CFAP20DC: variants seen among roughly 807,000 people sequenced by gnomAD.
CFAP20DC encodes the protein CFAP20 domain containing, also known as protein CFAP20DC.
Under a neutral mutation model 101.7 loss-of-function variants are expected in CFAP20DC, and 84 were observed. The ratio of observed to expected loss-of-function variants is 0.83; its 90% CI spans 0.69 to 0.99. CFAP20DC has a LOEUF of 0.99. Ranked by LOEUF, CFAP20DC falls within the 50% of genes least tolerant of loss-of-function variation. The pLI is 0.00. For synonymous variants in CFAP20DC, 359 were observed against 351.2 expected (o/e 1.02, Z -0.25); for missense variants, 1,007 against 970.3 (o/e 1.04, Z -0.50).
chr3:58,734,403 A>T (rs991319298), intron 3 of CFAP20DC: 4 of 368,018 alleles, frequency 1.1e-5, no homozygotes, highest in African/African-American at 8.5e-5. Context: ...TCCAAACCTG[A>T]AAGTCCTCGG....
At chr3:58,966,510 G>A (rs1012877520) in intron 4 of CFAP20DC, among the ~76,000 whole-genome samples, 26 of 147,406 alleles carry the variant, frequency 1.8e-4, no homozygotes, top group East Asian at 3.9e-4. Context: ...GTGTGTGTGT[G>A]TATATATATA....
intron 4 of CFAP20DC, among the ~76,000 whole-genome samples, chr3:59,016,623 T>A (rs575326303): frequency 6.6e-6 from 1 of 152,304 alleles, no homozygotes; most frequent in South Asian, 2.1e-4. Context: ...TTGAAATACA[T>A]GTATATGGAA....
At chr3:58,760,908 T>A (rs954413047) in intron 15 of CFAP20DC, among the ~76,000 whole-genome samples, 3 of 152,194 alleles carry the variant, frequency 2.0e-5, no homozygotes, top group Non-Finnish European at 2.9e-5. Context: ...GTGGATAAGC[T>A]TTTTGATGTG....
At chr3:58,923,893 C>T (rs1251850283) in intron 5 of CFAP20DC, among the ~76,000 whole-genome samples, 3 of 152,150 alleles carry the variant, frequency 2.0e-5, no homozygotes, top group Non-Finnish European at 4.4e-5. Flanking sequence ...GATACTGTTT[C>T]ACAGTTCAGT....
At chr3:58,832,942 T>A (rs192994765) in intron 13 of CFAP20DC, among the ~76,000 whole-genome samples, 1 of 152,242 alleles carries the variant, frequency 6.6e-6, no homozygotes, top group South Asian at 2.1e-4. Flanking sequence ...GAAAATTTTC[T>A]TGTACATCTG....
chr3:59,043,372 A>G (rs1428961308), intron 3 of CFAP20DC, among the ~76,000 whole-genome samples: 2 of 152,140 alleles, frequency 1.3e-5, no homozygotes, highest in East Asian at 3.9e-4. Context: ...GGAGGTGTCA[A>G]CTTTCTCAAA....
chr3:59,023,953 A>G (rs2093849326), intron 4 of CFAP20DC, among the ~76,000 whole-genome samples: 1 of 152,118 alleles, frequency 6.6e-6, no homozygotes, highest in African/African-American at 2.4e-5. Context: ...AAATGTACAT[A>G]AGATTGAAAA....
chr3:59,042,011 T>C (rs1699434608), intron 3 of CFAP20DC, among the ~76,000 whole-genome samples: 1 of 152,102 alleles, frequency 6.6e-6, no homozygotes, highest in South Asian at 2.1e-4. Flanking sequence ...TCTAGCTCCA[T>C]GAAGGAGAAA....
At chr3:59,046,608 A>T (rs1288905717) in intron 2 of CFAP20DC, among the ~76,000 whole-genome samples, 1 of 152,100 alleles carries the variant, frequency 6.6e-6, no homozygotes, top group Non-Finnish European at 1.5e-5. Flanking sequence ...TAAAATAAAT[A>T]AATAAATTAA....
In CFAP20DC at chr3:58,941,243, C is replaced by A. The variant is rs1006497367; in HGVS notation, c.279-3481G>T. On this transcript the variant is annotated intron_variant, in intron 4 of 16. Transcript: ENST00000482387. Reference sequence around the variant, plus strand: ...ACTCAGGAGGGTGAGGCAGGAGAATCGCTTGAACCCGGGAGGTGGAGGCTG... The same window carrying A: ...ACTCAGGAGGGTGAGGCAGGAGAATAGCTTGAACCCGGGAGGTGGAGGCTG... Among the ~76,000 whole-genome samples, 15 of 143,400 alleles carry A rather than the reference C, an allele frequency of 1.0e-4. 1 individual carries two copies. Among genetic ancestry groups the A allele is most frequent in the Admixed American group, 9.4e-4 (13 of 13,768 alleles). The allele number at this position is 143,400 out of a possible 152,430, so 94.1% of individuals were successfully genotyped here. A position where few individuals can be genotyped will look rare whatever the true frequency, so the allele number is the denominator to read the frequency against.
At chr3:58,807,622 CAG>C (rs1272355664) in intron 14 of CFAP20DC, among the ~76,000 whole-genome samples, 14 of 152,310 alleles carry the variant, frequency 9.2e-5, no homozygotes, top group African/African-American at 3.4e-4. Flanking sequence ...GGGGAAAAAA[CAG>C]AGCACAAAAA....
At chr3:58,910,679 T>C (rs1241582645) in intron 6 of CFAP20DC, among the ~76,000 whole-genome samples, 1 of 152,136 alleles carries the variant, frequency 6.6e-6, no homozygotes, top group Non-Finnish European at 1.5e-5. Flanking sequence ...CTGTTTCTTC[T>C]AGTCTCTCTT....
At chr3:58,884,795 T>C (rs1056618493) in intron 6 of CFAP20DC, 86 bp from the exon 7 acceptor site, 8 of 1,142,720 alleles carry the variant, frequency 7.0e-6, no homozygotes, top group South Asian at 3.0e-5. Context: ...CAATTAAAAT[T>C]AAAGATTTTA....
intron 12 of CFAP20DC, among the ~76,000 whole-genome samples, chr3:58,856,695 A>G (rs756406757): frequency 4.6e-5 from 7 of 152,184 alleles, no homozygotes; most frequent in Non-Finnish European, 7.4e-5. Context: ...TTTCATAGAG[A>G]TAAAGAATAA....
At chr3:58,920,058 T>C (rs1000158540) in intron 5 of CFAP20DC, among the ~76,000 whole-genome samples, 3 of 148,968 alleles carry the variant, frequency 2.0e-5, no homozygotes, top group Admixed American at 1.3e-4. Context: ...ATACAAGTGG[T>C]TAGGGTGGAT....
intron 7 of CFAP20DC, among the ~76,000 whole-genome samples, chr3:58,880,995 C>T (rs2081190338): frequency 6.6e-6 from 1 of 152,128 alleles, no homozygotes; most frequent in Non-Finnish European, 1.5e-5. Flanking sequence ...CAGAATCTAA[C>T]TCCTTCTCCT....
chr3:58,866,825 A>G, intron 10 of CFAP20DC, 137 bp from the exon 11 acceptor site: 1 of 527,170 alleles, frequency 1.9e-6, no homozygotes, highest in Non-Finnish European at 3.2e-6. Context: ...TATGAATTAC[A>G]TGCAGTTTTT....
chr3:58,763,197 T>A (rs1396478000), intron 15 of CFAP20DC, among the ~76,000 whole-genome samples: 4 of 152,216 alleles, frequency 2.6e-5, no homozygotes, highest in Admixed American at 2.6e-4. Context: ...GATTTGGTCT[T>A]TTCACATAGT....
intron 15 of CFAP20DC, among the ~76,000 whole-genome samples, chr3:58,798,855 T>C (rs1200262097): frequency 6.6e-6 from 1 of 152,150 alleles, no homozygotes; most frequent in African/African-American, 2.4e-5. Flanking sequence ...GGCTCAGTGA[T>C]TGTTAGCAGT....
Sources: gnomAD v4.1 joint callset for allele counts (sites outside exome capture counted in the v4.1 genomes callset) on GRCh38, gnomAD v4.1.1 for gene constraint, MANE v1.5 for transcripts, NCBI Gene and HGNC (gene_info 2026-07-23, HGNC 2026-07-21) for gene names.